FMN2: variants seen among roughly 807,000 people sequenced by gnomAD.
FMN2 encodes formin 2, also known as formin-2.
Under a neutral mutation model 142.3 loss-of-function variants are expected in FMN2, and 51 were observed. That is an observed-to-expected ratio of 0.36 (90% CI 0.29 to 0.45). FMN2 has a LOEUF of 0.45. Among genes scored for constraint, FMN2 ranks in the 20% least tolerant of loss-of-function variants. The pLI is 1.00. For missense variants in FMN2, 1,936 were observed against 2,122.8 expected (o/e 0.91, Z 1.73); for synonymous variants, 882 against 869.8 (o/e 1.01, Z -0.25).
intron 15 of FMN2, among the ~76,000 whole-genome samples, chr1:240,412,894 G>C (rs576445399): frequency 6.6e-6 from 1 of 151,772 alleles, no homozygotes; most frequent in Admixed American, 6.6e-5. Flanking sequence ...AGGCCGAGGC[G>C]GGTGGATCAC....
At position 240,220,874 on chromosome 1, in the gene FMN2, C is replaced by T. The variant is rs140504533; in HGVS notation, c.4065+9639C>T. ...AATGCTATCCCTCCTCCAGCCCCCC[C>T]ACCCCACGACAGGCCCCGGTGTGTG... is the stretch of plus-strand genomic sequence containing the variant. On this transcript the variant is annotated intron_variant, in intron 6 of 17. Coordinates refer to ENST00000319653, the MANE Select transcript of FMN2 (RefSeq NM_020066.5). Among the ~76,000 whole-genome samples, 682 of 152,186 alleles carry T rather than the reference C, an allele frequency of 4.5e-3. 4 individuals are homozygous for T. The highest frequency in any genetic ancestry group is 0.016 in the African/African-American group (660 of 41,542).
chr1:240,134,757 A>G (rs1490977872), intron 2 of FMN2, among the ~76,000 whole-genome samples: 1 of 152,184 alleles, frequency 6.6e-6, no homozygotes, highest in Non-Finnish European at 1.5e-5. Flanking sequence ...TTGACTCTGT[A>G]TTGGATCTCT....
chr1:240,458,395 G>A (rs1572336889), intron 16 of FMN2: 3 of 152,206 alleles, frequency 2.0e-5, no homozygotes, highest in Admixed American at 2.0e-4. Flanking sequence ...GGAGGAAATT[G>A]CATAAACTCT....
At chr1:240,287,068 C>T (rs1404022757) in intron 7 of FMN2, among the ~76,000 whole-genome samples, 1 of 152,128 alleles carries the variant, frequency 6.6e-6, no homozygotes, top group Non-Finnish European at 1.5e-5. Context: ...AGATACATTT[C>T]AATTACGCAT....
Position 240,226,055 on chromosome 1 carries a change from G to A in FMN2, c.4065+14820G>A, listed in dbSNP as rs180950785. On this transcript the variant is annotated intron_variant, in intron 6 of 17. Transcript: ENST00000319653. ...AAACTGACAGCCTCAGAAAAATGGG[G>A]GTACACCACTAAGGGACCAGTGTAT... 1.3e-3 allele frequency among the ~76,000 whole-genome samples: 197 copies of A among 152,146 alleles called. 1 individual carries two copies. Among genetic ancestry groups the A allele is most frequent in the African/African-American group, 4.6e-3 (191 of 41,506 alleles).
At chr1:240,225,985 T>C (rs1441980727) in intron 6 of FMN2, among the ~76,000 whole-genome samples, 1 of 151,786 alleles carries the variant, frequency 6.6e-6, no homozygotes, top group Non-Finnish European at 1.5e-5. Context: ...CATAGATCAA[T>C]AGAGATGGCA....
intron 7 of FMN2, among the ~76,000 whole-genome samples, chr1:240,282,035 G>T (rs979810977): frequency 6.6e-6 from 1 of 152,076 alleles, no homozygotes; most frequent in Non-Finnish European, 1.5e-5. Flanking sequence ...ATCTACAAAG[G>T]TATATGTGCT....
chr1:240,309,301 C>T (rs980225548), intron 8 of FMN2, among the ~76,000 whole-genome samples: 9 of 152,228 alleles, frequency 5.9e-5, no homozygotes, highest in African/African-American at 9.6e-5. Flanking sequence ...TAGCTGGTCA[C>T]GTCTCTGGGC....
At chr1:240,440,311 A>G (rs2184713) in intron 16 of FMN2, among the ~76,000 whole-genome samples, 112,074 of 151,732 alleles carry the variant, frequency 0.74, 41,916 homozygotes, top group African/African-American at 0.86. Flanking sequence ...TCACAGCCCC[A>G]TCTAATACAT....
At chr1:240,405,920 C>T (rs979194308) in intron 15 of FMN2, among the ~76,000 whole-genome samples, 13 of 151,724 alleles carry the variant, frequency 8.6e-5, no homozygotes, top group African/African-American at 2.9e-4. Context: ...TTACATTACA[C>T]GCCCAAAGGC....
chr1:240,134,350 G>C (rs2103239394), intron 2 of FMN2, among the ~76,000 whole-genome samples: 1 of 152,218 alleles, frequency 6.6e-6, no homozygotes, highest in East Asian at 1.9e-4. Flanking sequence ...GGGTGTGGTG[G>C]CTCACACCTG....
intron 8 of FMN2, among the ~76,000 whole-genome samples, chr1:240,295,238 A>G (rs1296697199): frequency 6.6e-6 from 1 of 151,494 alleles, no homozygotes; most frequent in African/African-American, 2.4e-5. Context: ...ACACACACTT[A>G]AAATTTTAAA....
chr1:240,157,270 C>T (rs1254751937), intron 2 of FMN2, among the ~76,000 whole-genome samples: 2 of 152,174 alleles, frequency 1.3e-5, no homozygotes, highest in Admixed American at 1.3e-4. Flanking sequence ...AAAGTAGTTG[C>T]TCACAATTAA....
rs1219881482 is a variant in FMN2, at chr1:240,241,869, C to T, written c.4066-16076C>T. 5.6e-5 allele frequency among the ~76,000 whole-genome samples: 7 copies of T among 125,646 alleles called. No homozygotes were observed. The Admixed American group carries it at 6.5e-4, about 12-fold the overall frequency. 82.4% of individuals were successfully genotyped at this position (125,646 alleles called of 152,430 possible). A position where few individuals can be genotyped will look rare whatever the true frequency, so the allele number is the denominator to read the frequency against. On this transcript the variant is annotated intron_variant, in intron 6 of 17. Coordinates refer to ENST00000319653, the MANE Select transcript of FMN2 (RefSeq NM_020066.5). The stretch of plus-strand genomic sequence containing the variant: ...TTTTTTTTTTTGAGACGGAGTCTCG[C>T]TCTGTCGCCCAGGCTGGATCTCGCC...
chr1:240,268,523 T>C (rs1487049363), intron 7 of FMN2, among the ~76,000 whole-genome samples: 1 of 152,086 alleles, frequency 6.6e-6, no homozygotes, highest in Non-Finnish European at 1.5e-5. Flanking sequence ...TATTAATTAC[T>C]GTTGGCTCTG....
intron 16 of FMN2, among the ~76,000 whole-genome samples, chr1:240,468,372 G>A (rs1676701859): frequency 6.8e-6 from 1 of 147,634 alleles, no homozygotes; most frequent in Non-Finnish European, 1.5e-5. Context: ...CATGCACAGA[G>A]CTGTGTCTCT....
chr1:240,232,200 G>T (rs1402522582), intron 6 of FMN2, among the ~76,000 whole-genome samples: 1 of 150,882 alleles, frequency 6.6e-6, no homozygotes, highest in Non-Finnish European at 1.5e-5. Flanking sequence ...CTCCCAAGTA[G>T]CTGGAACTAC....
chr1:240,153,951 A>G lies in FMN2; in HGVS notation c.1783-23970A>G, dbSNP rs577974324. The stretch of plus-strand genomic sequence containing the variant: ...GCCAACATGGCACAACCCTGCCTCT[A>G]CTGAAAATACAAAAATCAGCCAGGT... On this transcript the variant is annotated intron_variant, in intron 2 of 17. Transcript: ENST00000319653. Among the ~76,000 whole-genome samples the G allele has an allele frequency of 2.2e-3, 341 of 151,900 alleles. 4 individuals carry two copies. The highest frequency in any genetic ancestry group is 7.8e-3 in the African/African-American group (321 of 41,414).
In FMN2 at chr1:240,218,427, A is replaced by G. The variant is rs1666987061; in HGVS notation, c.4065+7192A>G. ...GAATAGAGTATAAGTGCTCTTTGGA[A>G]TGCCAGACGCAGTGGCATGTACCTG... On this transcript the variant is annotated intron_variant, in intron 6 of 17. Coordinates refer to ENST00000319653, the MANE Select transcript of FMN2 (RefSeq NM_020066.5). 2.0e-5 allele frequency among the ~76,000 whole-genome samples: 3 copies of G among 151,990 alleles called. No homozygotes were observed. In the South Asian group the frequency reaches 6.2e-4, roughly 32 times the overall value.
Sources: allele counts gnomAD v4.1 joint callset (sites outside exome capture counted in the v4.1 genomes callset), GRCh38; gene constraint gnomAD v4.1.1; transcripts MANE v1.5; gene names NCBI Gene and HGNC (gene_info 2026-07-23, HGNC 2026-07-21).